Variants in COL4A2 observed in about 807,000 individuals in gnomAD.
The protein encoded by COL4A2 is collagen alpha-2(IV) chain.
A neutral mutation model predicts 200.2 loss-of-function variants in COL4A2; 99 were observed. The observed-to-expected ratio is 0.49, with a 90% CI of 0.42 to 0.58. The LOEUF (loss-of-function observed/expected upper bound fraction) is 0.58, where lower values mean the gene tolerates loss of function less well. COL4A2 is among the 20% of genes least tolerant of loss of function. The pLI is 0.00. For synonymous variants in COL4A2, 897 were observed against 900.6 expected (o/e 1.00, Z 0.07); for missense variants, 1,950 against 2,314.1 (o/e 0.84, Z 3.23).
intron 3 of COL4A2, among the ~76,000 whole-genome samples, chr13:110,308,359 A>T (rs572913292): frequency 6.6e-6 from 1 of 152,100 alleles, no homozygotes; most frequent in South Asian, 2.1e-4. Context: ...TCGGCCTTTC[A>T]CGGGAACTGG....
chr13:110,382,516 A>G (rs1483585260), intron 4 of COL4A2, among the ~76,000 whole-genome samples: 1 of 152,274 alleles, frequency 6.6e-6, no homozygotes, highest in African/African-American at 2.4e-5. Flanking sequence ...TAAATAAAAC[A>G]GGATGTATTT....
chr13:110,503,094 C>G, intron 41 of COL4A2, 27 bp from the exon 42 acceptor site: 2 of 1,610,400 alleles, frequency 1.2e-6, no homozygotes, highest in Non-Finnish European at 1.7e-6. Context: ...TGTTTAAACC[C>G]TCCTTTCTTG....
At chr13:110,324,069 G>T (rs890934673) in intron 3 of COL4A2, among the ~76,000 whole-genome samples, 2 of 151,956 alleles carry the variant, frequency 1.3e-5, no homozygotes, top group Non-Finnish European at 2.9e-5. Context: ...TGCTTCAACT[G>T]CAAGACAGAG....
intron 3 of COL4A2, among the ~76,000 whole-genome samples, chr13:110,308,822 G>A (rs1312102268): frequency 6.6e-6 from 1 of 152,194 alleles, no homozygotes; most frequent in Non-Finnish European, 1.5e-5. Flanking sequence ...TATACGTTTT[G>A]TTTAAAGAGT....
chr13:110,454,639 C>G (rs1881653522), intron 20 of COL4A2, among the ~76,000 whole-genome samples: 1 of 152,108 alleles, frequency 6.6e-6, no homozygotes, highest in Non-Finnish European at 1.5e-5. Flanking sequence ...ACGCTGTCTT[C>G]TCCCCTCCAC....
chr13:110,335,591 A>G (rs1032879307), intron 3 of COL4A2, among the ~76,000 whole-genome samples: 2 of 152,114 alleles, frequency 1.3e-5, no homozygotes. Flanking sequence ...TTATGTCTTT[A>G]TCAGCAGCAT....
At chr13:110,399,778 C>G (rs1033913797) in intron 4 of COL4A2, among the ~76,000 whole-genome samples, 1 of 152,162 alleles carries the variant, frequency 6.6e-6, no homozygotes, top group African/African-American at 2.4e-5. Context: ...CAGGATCTTC[C>G]TGGCAGGAAT....
At chr13:110,374,494 G>A (rs1878153098) in intron 4 of COL4A2, among the ~76,000 whole-genome samples, 1 of 152,134 alleles carries the variant, frequency 6.6e-6, no homozygotes, top group Non-Finnish European at 1.5e-5. Context: ...AACCAAAGAA[G>A]CAAAAGTCTA....
chr13:110,403,486 T>A (rs745871431), intron 4 of COL4A2, among the ~76,000 whole-genome samples: 5 of 152,318 alleles, frequency 3.3e-5, no homozygotes, highest in Non-Finnish European at 7.3e-5. Flanking sequence ...CCCTTTAGTT[T>A]CAATAACATG....
Position 110,436,866 on chromosome 13 carries a change from C to T in COL4A2, c.825+499C>T, listed in dbSNP as rs572019179. ...TCTTAGTCTGAAATAGGAATTGCCG[C>T]GTCCACTCTCTCTACGTTTGGAGGC... is the stretch of plus-strand genomic sequence containing the variant. On this transcript the variant is annotated intron_variant, in intron 13 of 47. Coordinates refer to ENST00000360467, the MANE Select transcript of COL4A2 (RefSeq NM_001846.4). 7.2e-5 allele frequency among the ~76,000 whole-genome samples: 11 copies of T among 151,970 alleles called. No individual in the cohort carries two copies. The South Asian group carries it at 1.5e-3, about 20-fold the overall frequency.
At chr13:110,475,220 C>G (rs1027137750) in intron 29 of COL4A2, among the ~76,000 whole-genome samples, 1 of 152,236 alleles carries the variant, frequency 6.6e-6, no homozygotes, top group Admixed American at 6.5e-5. Context: ...TACTGACTCT[C>G]CAGGTCATTT....
At chr13:110,484,726 C>G (rs1055600356) in intron 32 of COL4A2, among the ~76,000 whole-genome samples, 179 bp from the exon 33 acceptor site, 6 of 152,146 alleles carry the variant, frequency 3.9e-5, no homozygotes, top group Non-Finnish European at 5.9e-5. Flanking sequence ...GGAGCCACCC[C>G]CAACTCCAAC....
intron 4 of COL4A2, among the ~76,000 whole-genome samples, chr13:110,413,462 G>T (rs1879925079): frequency 6.6e-6 from 1 of 152,220 alleles, no homozygotes; most frequent in Admixed American, 6.5e-5. Flanking sequence ...GTGAGGAGGG[G>T]AAGATGCCCC....
intron 16 of COL4A2, 125 bp from the exon 17 acceptor site, chr13:110,445,704 G>T: frequency 7.9e-7 from 1 of 1,262,118 alleles, no homozygotes; most frequent in East Asian, 2.4e-5. Context: ...ATTGAGCACA[G>T]ACTGGGTTAA....
At chr13:110,383,169 G>A (rs899401068) in intron 4 of COL4A2, among the ~76,000 whole-genome samples, 24 of 152,106 alleles carry the variant, frequency 1.6e-4, no homozygotes, top group South Asian at 2.1e-4. Flanking sequence ...CATGTTCTGC[G>A]TATCCACGCT....
chr13:110,502,259 T>A (rs1377597426), intron 41 of COL4A2, among the ~76,000 whole-genome samples: 2 of 152,296 alleles, frequency 1.3e-5, no homozygotes, highest in East Asian at 1.9e-4. Context: ...AACAGAGGAA[T>A]TAAGAAGCAA....
chr13:110,330,689 G>A (rs957273548), intron 3 of COL4A2, among the ~76,000 whole-genome samples: 5 of 152,088 alleles, frequency 3.3e-5, no homozygotes, highest in African/African-American at 4.8e-5. Context: ...CGCGGCCTGC[G>A]GTGCCTTCCC....
chr13:110,475,002 G>A (rs1013310068), intron 29 of COL4A2, among the ~76,000 whole-genome samples: 2 of 149,946 alleles, frequency 1.3e-5, no homozygotes, highest in Admixed American at 1.3e-4. Flanking sequence ...ACTCACACAT[G>A]ATCGTACACT....
intron 29 of COL4A2, among the ~76,000 whole-genome samples, chr13:110,474,969 T>A (rs1882649087): frequency 7.0e-6 from 1 of 142,438 alleles, no homozygotes; most frequent in African/African-American, 2.6e-5. Flanking sequence ...CACACGTACA[T>A]ACCCACACAC....
Sources: allele counts gnomAD v4.1 joint callset (sites outside exome capture counted in the v4.1 genomes callset), GRCh38; gene constraint gnomAD v4.1.1; transcripts MANE v1.5; gene names NCBI Gene and HGNC (gene_info 2026-07-23, HGNC 2026-07-21).